Variants in RIC3 observed in about 807,000 individuals in gnomAD.
The protein encoded by RIC3 is RIC3 acetylcholine receptor chaperone, also known as protein RIC-3.
RIC3 carries 28 observed loss-of-function variants against 27.3 expected under a neutral mutation model. The ratio of observed to expected loss-of-function variants is 1.02; its 90% CI spans 0.76 to 1.41. The LOEUF is 1.41. Among genes scored for constraint, RIC3 ranks in the 40% most tolerant of loss-of-function variants. RIC3 has a pLI of 0.00. For missense variants in RIC3, 501 were observed against 444.7 expected, an observed-to-expected ratio of 1.13 and a Z score of -1.14; for synonymous variants, 184 against 160.4, an observed-to-expected ratio of 1.15 and a Z score of -1.11.
chr11:8,168,795 C>G (rs1319266676), intron 1 of RIC3, 71 bp downstream of exon 1: 1 of 1,546,884 alleles, frequency 6.5e-7, no homozygotes, highest in Non-Finnish European at 8.7e-7. Flanking sequence ...CTCAGAGTCA[C>G]CCCTCCCTCA....
chr11:8,137,971 T>C (rs573724987), intron 3 of RIC3, among the ~76,000 whole-genome samples: 1 of 152,348 alleles, frequency 6.6e-6, no homozygotes, highest in African/African-American at 2.4e-5. Flanking sequence ...ATGATATGAT[T>C]TCTCTGCCTC....
intron 1 of RIC3, among the ~76,000 whole-genome samples, chr11:8,165,367 T>A (rs1048571858): frequency 7.2e-6 from 1 of 138,008 alleles, no homozygotes; most frequent in Non-Finnish European, 1.6e-5. Context: ...AAAAAAGTAC[T>A]GCTACATGCT....
At chr11:8,153,726 CTT>C (rs533386660) in intron 1 of RIC3, among the ~76,000 whole-genome samples, 214 of 152,272 alleles carry the variant, frequency 1.4e-3, no homozygotes, top group African/African-American at 4.8e-3. Flanking sequence ...CCCCCAAGCT[CTT>C]GTCTCTTATT....
chr11:8,139,737 C>A, intron 2 of RIC3: 1 of 483,880 alleles, frequency 2.1e-6, no homozygotes. Context: ...CTAGTTCTGC[C>A]TTGTTAGTTG....
intron 1 of RIC3, among the ~76,000 whole-genome samples, chr11:8,154,004 G>A (rs1950461670): frequency 6.6e-6 from 1 of 151,946 alleles, no homozygotes; most frequent in Non-Finnish European, 1.5e-5. Flanking sequence ...CTCACCTCTT[G>A]GATCTTGGTA....
intron 5 of RIC3, among the ~76,000 whole-genome samples, chr11:8,120,028 A>G (rs1432362807): frequency 6.6e-6 from 1 of 152,260 alleles, no homozygotes; most frequent in African/African-American, 2.4e-5. Flanking sequence ...ATCGTTAAAA[A>G]GTAAGGAAAT....
intron 5 of RIC3, among the ~76,000 whole-genome samples, chr11:8,119,654 G>A (rs533511996): frequency 1.0e-3 from 155 of 152,222 alleles, no homozygotes; most frequent in African/African-American, 2.9e-3. Context: ...TCATGACTAA[G>A]ACACCAAAAG....
intron 4 of RIC3, among the ~76,000 whole-genome samples, chr11:8,132,821 T>A (rs1037192539): frequency 6.6e-6 from 1 of 152,196 alleles, no homozygotes; most frequent in African/African-American, 2.4e-5. Flanking sequence ...AATTTTGATC[T>A]GACAGAACAA....
chr11:8,134,766 A>T (rs575126187), intron 4 of RIC3, among the ~76,000 whole-genome samples: 2 of 151,962 alleles, frequency 1.3e-5, no homozygotes, highest in South Asian at 4.2e-4. Context: ...GCATTTTTTC[A>T]TGTGTCTTTT....
At chr11:8,114,074 C>A (rs1192549277) in intron 5 of RIC3, among the ~76,000 whole-genome samples, 1 of 152,210 alleles carries the variant, frequency 6.6e-6, no homozygotes, top group East Asian at 1.9e-4. Context: ...TGCCTAAGGA[C>A]TCTACCAGCA....
the RIC3 span, chr11:8,094,060 T>C: frequency 6.2e-7 from 1 of 1,614,134 alleles, no homozygotes; most frequent in South Asian, 1.1e-5. Flanking sequence ...AGAGGCCGAC[T>C]CACTCGCCAG....
chr11:8,117,059 A>G (rs1305302309), intron 5 of RIC3, among the ~76,000 whole-genome samples: 1 of 152,000 alleles, frequency 6.6e-6, no homozygotes, highest in Non-Finnish European at 1.5e-5. Flanking sequence ...TACACAACAG[A>G]ATAGTACTTA....
At chr11:8,103,211 A>C (rs994348537), downstream of RIC3, 1 of 151,908 alleles carries the variant, frequency 6.6e-6, no homozygotes, top group African/African-American at 2.4e-5. Flanking sequence ...CACTACCGCT[A>C]TTTCTCCTTG....
At chr11:8,166,907 C>T (rs774440157) in intron 1 of RIC3, among the ~76,000 whole-genome samples, 1 of 150,166 alleles carries the variant, frequency 6.7e-6, no homozygotes, top group Non-Finnish European at 1.5e-5. Context: ...GAAAGGGGGC[C>T]AGGAAGAGAG....
intron 1 of RIC3, among the ~76,000 whole-genome samples, chr11:8,151,857 G>A (rs1025592887): frequency 1.3e-4 from 19 of 148,778 alleles, no homozygotes; most frequent in Non-Finnish European, 2.5e-4. Flanking sequence ...CAAAGGTTGC[G>A]ATGAGCAGAG....
At chr11:8,112,453 C>G (rs963613675) in intron 5 of RIC3, among the ~76,000 whole-genome samples, 2 of 152,202 alleles carry the variant, frequency 1.3e-5, no homozygotes, top group Admixed American at 6.5e-5. Context: ...GCCACCACAC[C>G]TAGCTAATTT....
chr11:8,110,713 G>C lies in RIC3; in HGVS notation c.1095C>G (p.Pro365=), dbSNP rs756443769. ...CTGGCTGTTTTCACTCTAAACCCTGGGGGTTACGCTTCCTCAGCATGCTGC... is the reference window on the plus strand; with the variant it reads ...CTGGCTGTTTTCACTCTAAACCCTGCGGGTTACGCTTCCTCAGCATGCTGC... The part of the protein sequence containing the change: ...YTGSMLRKRN[P]QGLE The change falls in exon 6 of 6, where the codon CCC becomes CCG. Residue 365 remains proline (P), a synonymous_variant. Coordinates refer to ENST00000309737, the MANE Select transcript of RIC3 (RefSeq NM_001206671.4). 20 of 1,614,008 alleles carry C rather than the reference G, an allele frequency of 1.2e-5. No individual in the cohort carries two copies. The East Asian group carries it at 4.5e-4, about 36-fold the overall frequency.
At chr11:8,157,461 C>T (rs187531819) in intron 1 of RIC3, among the ~76,000 whole-genome samples, 1 of 152,198 alleles carries the variant, frequency 6.6e-6, no homozygotes, top group South Asian at 2.1e-4. Flanking sequence ...TATTGAGATG[C>T]CCCACAATTC....
intron 5 of RIC3, among the ~76,000 whole-genome samples, chr11:8,115,455 G>A (rs1449144538): frequency 6.6e-6 from 1 of 152,132 alleles, no homozygotes; most frequent in Non-Finnish European, 1.5e-5. Flanking sequence ...GCTCAAGGGT[G>A]TTCTTCAAGT....
Sources: gnomAD v4.1 joint callset for allele counts (sites outside exome capture counted in the v4.1 genomes callset) on GRCh38, gnomAD v4.1.1 for gene constraint, MANE v1.5 for transcripts, NCBI Gene and HGNC (gene_info 2026-07-23, HGNC 2026-07-21) for gene names.